Variants in PMS1 observed in about 807,000 individuals in gnomAD.
The protein encoded by PMS1 is PMS1 protein homolog 1.
PMS1 carries 79 observed loss-of-function variants against 93.1 expected under a neutral mutation model. The ratio of observed to expected loss-of-function variants is 0.85; its 90% CI spans 0.71 to 1.02. The LOEUF is 1.02. PMS1 is among the 50% of genes least tolerant of loss of function. PMS1 has a pLI of 0.00. For missense variants in PMS1, 1,064 were observed against 1,085.3 expected, an observed-to-expected ratio of 0.98 and a Z score of 0.28; for synonymous variants, 335 against 363.4, an observed-to-expected ratio of 0.92 and a Z score of 0.89.
intron 4 of PMS1, among the ~76,000 whole-genome samples, chr2:189,811,060 G>T (rs1021724009): frequency 4.0e-5 from 6 of 151,542 alleles, no homozygotes; most frequent in Non-Finnish European, 7.4e-5. Flanking sequence ...TTTCAGCAGA[G>T]AAATGGAAAC....
At chr2:189,845,752 A>G (rs1392151180) in intron 6 of PMS1, among the ~76,000 whole-genome samples, 1 of 151,800 alleles carries the variant, frequency 6.6e-6, no homozygotes, top group African/African-American at 2.4e-5. Flanking sequence ...TCTTTTTGAG[A>G]TGGAGTCTCG....
Position 189,845,255 on chromosome 2 carries a change from C to T in PMS1, c.699+1175C>T, listed in dbSNP as rs140958927. On this transcript the variant is annotated intron_variant, in intron 6 of 12. Coordinates refer to ENST00000441310, the MANE Select transcript of PMS1 (RefSeq NM_000534.5). ...CTTGTATGGACTATAAAACAATCTT[C>T]GTTAAAAGCCCAGTATTGTAGTGGG... 2.8e-4 allele frequency among the ~76,000 whole-genome samples: 42 copies of T among 151,832 alleles called. No homozygotes were observed. In the East Asian group the frequency reaches 5.6e-3, roughly 20 times the overall value.
chr2:189,788,623 G>C (rs2048576436), intron 1 of PMS1, among the ~76,000 whole-genome samples: 1 of 152,004 alleles, frequency 6.6e-6, no homozygotes, highest in South Asian at 2.1e-4. Context: ...AAATTTTCTA[G>C]TAGTCACATT....
chr2:189,867,193 A>G (rs983928657), intron 10 of PMS1, among the ~76,000 whole-genome samples: 3 of 152,194 alleles, frequency 2.0e-5, no homozygotes, highest in African/African-American at 4.8e-5. Context: ...CAATGACTAT[A>G]ACGCGTCCTG....
intron 3 of PMS1, among the ~76,000 whole-genome samples, chr2:189,802,805 A>AT (rs969531897): frequency 2.6e-5 from 4 of 152,136 alleles, no homozygotes; most frequent in Admixed American, 2.6e-4. Context: ...TGTCTCGTAT[A>AT]TTTTTTATAG....
chr2:189,857,920 A>T (rs2055522617), intron 9 of PMS1, among the ~76,000 whole-genome samples: 1 of 152,096 alleles, frequency 6.6e-6, no homozygotes, highest in African/African-American at 2.4e-5. Flanking sequence ...GGAACAGTAT[A>T]TGAGAAGGCC....
chr2:189,875,473 A>T (rs550253761), intron 12 of PMS1, among the ~76,000 whole-genome samples: 1 of 152,188 alleles, frequency 6.6e-6, no homozygotes, highest in South Asian at 2.1e-4. Flanking sequence ...GTATAAGTGG[A>T]CCCACACAGT....
intron 3 of PMS1, among the ~76,000 whole-genome samples, chr2:189,804,988 G>C (rs759825427): frequency 6.6e-6 from 1 of 152,092 alleles, no homozygotes; most frequent in African/African-American, 2.4e-5. Flanking sequence ...GATGAAGCTA[G>C]CTCAAAAGAG....
chr2:189,866,885 T>TCAC (rs1021375293), intron 10 of PMS1, among the ~76,000 whole-genome samples: 1 of 152,162 alleles, frequency 6.6e-6, no homozygotes, highest in Non-Finnish European at 1.5e-5. Flanking sequence ...ATCATAATCA[T>TCAC]CACCACCACC....
At chr2:189,810,321 C>T (rs2050725748) in intron 4 of PMS1, among the ~76,000 whole-genome samples, 1 of 152,190 alleles carries the variant, frequency 6.6e-6, no homozygotes, top group African/African-American at 2.4e-5. Flanking sequence ...AGTCTTTAAA[C>T]TCATTGAAGA....
In PMS1 at chr2:189,844,043, A is replaced by G. The variant is rs1410498141; in HGVS notation, c.662A>G (p.Asn221Ser). Reference protein sequence around the residue: ...MSVLGTAVMNNMESFQYHSEE... With the variant: ...MSVLGTAVMNSMESFQYHSEE... The stretch of plus-strand genomic sequence containing the variant: ...GTTCTGGGGACTGCTGTTATGAACA[A>G]TATGGAATCCTTTCAGTACCACTCT... Residue 221 changes from asparagine (N) to serine (S), a missense_variant, in exon 6 of 13, where the codon AAT (asparagine) becomes AGT (serine). By Grantham distance (46) the Asn-to-Ser change is conservative. Transcript: ENST00000441310. 2.5e-6 allele frequency: 4 copies of G among 1,614,016 alleles called. No homozygotes were observed. Among genetic ancestry groups the G allele is most frequent in the South Asian group, 1.1e-5 (1 of 91,080 alleles).
chr2:189,815,532 C>T (rs1026426541), intron 4 of PMS1, among the ~76,000 whole-genome samples: 1 of 152,190 alleles, frequency 6.6e-6, no homozygotes, highest in Admixed American at 6.5e-5. Context: ...CCTTCATACA[C>T]TCACACTCTC....
intron 6 of PMS1, among the ~76,000 whole-genome samples, chr2:189,850,322 A>C (rs2054587992): frequency 6.6e-6 from 1 of 152,126 alleles, no homozygotes. Flanking sequence ...CAATATAATC[A>C]GGGTTAAGAA....
Position 189,815,165 on chromosome 2 carries a change from CA to C in PMS1, c.419-2851del, listed in dbSNP as rs377301575. 6.9e-4 allele frequency among the ~76,000 whole-genome samples: 104 copies of C among 151,230 alleles called. 1 individual carries two copies. Among genetic ancestry groups the C allele is most frequent in the African/African-American group, 2.5e-3 (104 of 41,170 alleles). On this transcript the variant is annotated intron_variant, in intron 4 of 12. Coordinates refer to ENST00000441310, the MANE Select transcript of PMS1 (RefSeq NM_000534.5). ...AAAGAGTTAGCTGTGGAAAGGTTGA[CA>C]GAAGAACATGTACAAAGGGTCTGAG...
At chr2:189,829,683 T>C (rs1385649648) in intron 5 of PMS1, among the ~76,000 whole-genome samples, 8 of 152,232 alleles carry the variant, frequency 5.3e-5, no homozygotes, top group Admixed American at 5.2e-4. Context: ...TGAGCATTAA[T>C]CTTCATGCTG....
intron 3 of PMS1, among the ~76,000 whole-genome samples, chr2:189,798,206 A>C (rs558479686): frequency 1.0e-3 from 156 of 152,266 alleles, no homozygotes; most frequent in African/African-American, 3.5e-3. Flanking sequence ...CTTCCGCGCC[A>C]CTGTAAAGTC....
chr2:189,829,113 T>G (rs987810672), intron 5 of PMS1, among the ~76,000 whole-genome samples: 9 of 152,306 alleles, frequency 5.9e-5, no homozygotes, highest in Middle Eastern at 3.4e-3. Flanking sequence ...ATATCTTAAT[T>G]TTTAATGCAT....
intron 10 of PMS1, among the ~76,000 whole-genome samples, chr2:189,867,451 G>T (rs1025230297): frequency 6.6e-6 from 1 of 152,192 alleles, no homozygotes; most frequent in African/African-American, 2.4e-5. Context: ...ATTTGGCAGG[G>T]TGGACCACCT....
rs547583998 is a variant in PMS1, at chr2:189,797,892, G to C, written c.315+1941G>C. Among the ~76,000 whole-genome samples the C allele has an allele frequency of 2.5e-4, 38 of 152,292 alleles. No individual in the cohort carries two copies. The South Asian group carries it at 6.6e-3, about 27-fold the overall frequency. On this transcript the variant is annotated intron_variant, in intron 3 of 12. Coordinates refer to ENST00000441310, the MANE Select transcript of PMS1 (RefSeq NM_000534.5). Reference sequence around the variant, plus strand: ...TTTTTGTGGCTAGGATTCCAGCTCAGTACAGATACTCCTTGACTTATGAGG... The same window carrying C: ...TTTTTGTGGCTAGGATTCCAGCTCACTACAGATACTCCTTGACTTATGAGG...
Sources: allele counts gnomAD v4.1 joint callset (sites outside exome capture counted in the v4.1 genomes callset), GRCh38; gene constraint gnomAD v4.1.1; transcripts MANE v1.5; gene names NCBI Gene and HGNC (gene_info 2026-07-23, HGNC 2026-07-21).